The following BAIAP2 variants were observed in gnomAD, a reference collection of about 807,000 sequenced individuals.
The protein encoded by BAIAP2 is BAR/IMD domain containing adaptor protein 2.
Under a neutral mutation model 63.0 loss-of-function variants are expected in BAIAP2, and 18 were observed. The ratio of observed to expected loss-of-function variants is 0.29; its 90% CI spans 0.20 to 0.42. BAIAP2 has a LOEUF of 0.42. Among genes scored for constraint, BAIAP2 ranks in the 10% least tolerant of loss-of-function variants. The pLI is 1.00. For missense variants in BAIAP2, 610 were observed against 734.3 expected (o/e 0.83, Z 1.96); for synonymous variants, 386 against 307.6 (o/e 1.25, Z -2.67).
At chr17:81,080,927 C>T (rs1406116706) in intron 3 of BAIAP2, among the ~76,000 whole-genome samples, 1 of 152,228 alleles carries the variant, frequency 6.6e-6, no homozygotes, top group Non-Finnish European at 1.5e-5. Flanking sequence ...TGCTTCACCT[C>T]TTTGTGAACT....
At chr17:81,047,700 A>G (rs887956800) in intron 1 of BAIAP2, among the ~76,000 whole-genome samples, 3 of 151,682 alleles carry the variant, frequency 2.0e-5, no homozygotes, top group Non-Finnish European at 4.4e-5. Flanking sequence ...CAGCACACGC[A>G]CGGGTCCACA....
rs1039990635 is a variant in BAIAP2 at position 81,110,127 on chromosome 17, G to A, written c.1535+1618G>A. On this transcript the variant is annotated intron_variant, in intron 13 of 13. Transcript: ENST00000428708. ...GCCCGGCTCAGCCTGCCCGCTGGTG[G>A]GAGCCCCTGGGAAGCTGCGGCGCTC... The A allele has an allele frequency of 5.1e-6, 5 of 985,484 alleles. No individual in the cohort carries two copies. In the African/African-American group the frequency reaches 8.7e-5, roughly 17 times the overall value. The allele number at this position is 985,484 out of a possible 1,614,324, so 61.0% of individuals were successfully genotyped here. A position where few individuals can be genotyped will look rare whatever the true frequency, so the allele number is the denominator to read the frequency against.
intron 3 of BAIAP2, among the ~76,000 whole-genome samples, chr17:81,079,515 G>T (rs1242935107): frequency 6.6e-6 from 1 of 152,042 alleles, no homozygotes; most frequent in Non-Finnish European, 1.5e-5. Flanking sequence ...CTAGCCCTCC[G>T]ATGCTCCTCC....
chr17:81,090,081 A>G (rs1481726089), intron 6 of BAIAP2, among the ~76,000 whole-genome samples: 1 of 151,812 alleles, frequency 6.6e-6, no homozygotes, highest in Non-Finnish European at 1.5e-5. Context: ...CCCACTCACC[A>G]GGGGACCTGT....
At chr17:81,095,984 G>A (rs1051148629) in intron 6 of BAIAP2, among the ~76,000 whole-genome samples, 1 of 152,164 alleles carries the variant, frequency 6.6e-6, no homozygotes, top group African/African-American at 2.4e-5. Flanking sequence ...GAAACCGCCT[G>A]TAGGGTGGGC....
In BAIAP2 at chr17:81,055,283, TC is replaced by T. The variant is rs1311578345; in HGVS notation, c.130+1542del. On this transcript the variant is annotated intron_variant, in intron 2 of 13. Coordinates refer to ENST00000428708, the MANE Select transcript of BAIAP2 (RefSeq NM_001144888.2). Reference sequence around the variant, plus strand: ...AGAAGGCCTGTCCCTGGCACTGCCCTCCTTCTCAGCTCCCCAGGTGGACCAG... The same window carrying T: ...AGAAGGCCTGTCCCTGGCACTGCCCTCTTCTCAGCTCCCCAGGTGGACCAG... Among the ~76,000 whole-genome samples the T allele has an allele frequency of 1.0e-4, 15 of 146,666 alleles. No homozygotes were observed. In the South Asian group the frequency reaches 2.5e-3, roughly 24 times the overall value.
intron 1 of BAIAP2, among the ~76,000 whole-genome samples, chr17:81,044,850 T>A (rs2047582476): frequency 6.6e-6 from 1 of 152,192 alleles, no homozygotes; most frequent in Admixed American, 6.5e-5. Flanking sequence ...GCCAGCTCAG[T>A]GCTGGCCACA....
chr17:81,073,463 T>G (rs778404761), intron 3 of BAIAP2, among the ~76,000 whole-genome samples: 2 of 152,210 alleles, frequency 1.3e-5, no homozygotes, highest in Non-Finnish European at 2.9e-5. Context: ...GAAATGATCT[T>G]TTAACTGACT....
chr17:81,088,295 C>T (rs1410519998), intron 6 of BAIAP2, among the ~76,000 whole-genome samples: 3 of 151,386 alleles, frequency 2.0e-5, no homozygotes, highest in Admixed American at 6.6e-5. Context: ...ATACTGAGGC[C>T]AGTTCACTGA....
chr17:81,057,623 A>C, intron 2 of BAIAP2: 1 of 1,206,534 alleles, frequency 8.3e-7, no homozygotes, highest in Non-Finnish European at 1.0e-6. Context: ...CTGCAATTTG[A>C]CTTGAATAGC....
At chr17:81,069,769 C>T (rs1440491421) in intron 3 of BAIAP2, among the ~76,000 whole-genome samples, 2 of 152,208 alleles carry the variant, frequency 1.3e-5, no homozygotes, top group Non-Finnish European at 2.9e-5. Context: ...TTCAGTTCGC[C>T]TCCCAGCCTT....
Position 81,106,136 on chromosome 17 carries a change from C to G in BAIAP2, c.1327C>G (p.Leu443Val), listed in dbSNP as rs1373507555. Residue 443 changes from leucine to valine, a missense_variant, in exon 11 of 14, where the codon CTG becomes GTG. Coordinates refer to ENST00000428708, the MANE Select transcript of BAIAP2 (RefSeq NM_001144888.2). Reference sequence around the variant, plus strand: ...CTTGGACAGCGATGGCAGTGACAGGCTGCACATGAGGTGAGCTCTGGGCCC... The same window carrying G: ...CTTGGACAGCGATGGCAGTGACAGGGTGCACATGAGGTGAGCTCTGGGCCC... ...RVLDSDGSDR[L>V]HMSLQQGKSS... 6.3e-6 allele frequency: 10 copies of G among 1,582,116 alleles called. No homozygotes were observed. The highest frequency in any genetic ancestry group is 1.7e-4 in the Middle Eastern group (1 of 6,032).
chr17:81,075,990 A>G (rs936374759), intron 3 of BAIAP2, among the ~76,000 whole-genome samples: 2 of 151,136 alleles, frequency 1.3e-5, no homozygotes, highest in Non-Finnish European at 2.9e-5. Flanking sequence ...GCAGAGAAGC[A>G]GAAGTGCCTG....
chr17:81,074,445 C>CAT, intron 3 of BAIAP2, among the ~76,000 whole-genome samples: 1 of 149,036 alleles, frequency 6.7e-6, no homozygotes, highest in East Asian at 2.0e-4. Context: ...TGCACAAATA[C>CAT]ATGTGAGTGC....
At chr17:81,093,010 G>A (rs2057038507) in intron 6 of BAIAP2, among the ~76,000 whole-genome samples, 1 of 152,146 alleles carries the variant, frequency 6.6e-6, no homozygotes. Context: ...GCAGGGCCCG[G>A]GGGACGTGTC....
rs192451341 is a variant in BAIAP2 at position 81,082,047 on chromosome 17, C to T, written c.218-2785C>T. ...GCCTGGGCTCTGGGGTCTGTGTCTG[C>T]CTGTCCTGCTCCCTCCTGGCCCCGG... On this transcript the variant is annotated intron_variant, in intron 3 of 13. Transcript: ENST00000428708. Among the ~76,000 whole-genome samples, 256 of 152,106 alleles carry T rather than the reference C, an allele frequency of 1.7e-3. 2 individuals are homozygous for T. The highest frequency in any genetic ancestry group is 5.9e-3 in the African/African-American group (246 of 41,494).
intron 3 of BAIAP2, among the ~76,000 whole-genome samples, chr17:81,068,672 A>G (rs2051975516): frequency 6.6e-6 from 1 of 152,068 alleles, no homozygotes; most frequent in African/African-American, 2.4e-5. Flanking sequence ...TGCCCTGGGG[A>G]GGGTGCCCCC....
Position 81,103,949 on chromosome 17 carries a change from ACAGGCC to A in BAIAP2, c.909_914del (p.Gly304_Pro305del), listed in dbSNP as rs2058817793. ...GAGCACACCCATCATGAACGGCGTC[ACAGGCC>A]CGGATGGCGAGGACTACAGCCCGTG... On this transcript the variant is annotated inframe_deletion, in exon 9 of 14. Coordinates refer to ENST00000428708, the MANE Select transcript of BAIAP2 (RefSeq NM_001144888.2). The A allele has an allele frequency of 6.2e-7, 1 of 1,612,918 alleles. No homozygotes were observed. The highest frequency in any genetic ancestry group is 8.5e-7 in the Non-Finnish European group (1 of 1,180,040).
chr17:81,042,721 G>T (rs2047256615), intron 1 of BAIAP2, among the ~76,000 whole-genome samples: 1 of 151,996 alleles, frequency 6.6e-6, no homozygotes, highest in Non-Finnish European at 1.5e-5. Flanking sequence ...TAGAATGGGG[G>T]TGGGGATGGT....
Sources: gnomAD v4.1 joint callset for allele counts (sites outside exome capture counted in the v4.1 genomes callset) on GRCh38, gnomAD v4.1.1 for gene constraint, MANE v1.5 for transcripts, NCBI Gene and HGNC (gene_info 2026-07-23, HGNC 2026-07-21) for gene names.